Variants in SESTD1 observed in about 807,000 individuals in gnomAD.
The protein encoded by SESTD1 is SEC14 and spectrin domain containing 1, also known as SEC14 domain and spectrin repeat-containing protein 1.
A neutral mutation model predicts 101.7 loss-of-function variants in SESTD1; 43 were observed. The ratio of observed to expected loss-of-function variants is 0.42; its 90% CI spans 0.33 to 0.55. The LOEUF is 0.55. Ranked by LOEUF, SESTD1 falls within the 20% of genes least tolerant of loss-of-function variation. SESTD1 has a pLI of 0.07. For missense variants in SESTD1, 647 were observed against 815.1 expected, an observed-to-expected ratio of 0.79 and a Z score of 2.51; for synonymous variants, 283 against 286.8, an observed-to-expected ratio of 0.99 and a Z score of 0.13.
chr2:179,156,195 T>A lies in SESTD1; in HGVS notation c.370-4804A>T, dbSNP rs557709270. On this transcript the variant is annotated intron_variant, in intron 5 of 17. Coordinates refer to ENST00000428443, the MANE Select transcript of SESTD1 (RefSeq NM_178123.5). Reference sequence around the variant, plus strand: ...GTGTGTATATATACACATATATATATCACATATATACATCACAGTTTCTTT... The same window carrying A: ...GTGTGTATATATACACATATATATAACACATATATACATCACAGTTTCTTT... Among the ~76,000 whole-genome samples the A allele has an allele frequency of 5.9e-5, 9 of 152,224 alleles. No individual in the cohort carries two copies. The East Asian group carries it at 1.7e-3, about 29-fold the overall frequency.
intron 2 of SESTD1, among the ~76,000 whole-genome samples, chr2:179,191,017 T>C (rs1188908056): frequency 6.6e-6 from 1 of 152,186 alleles, no homozygotes; most frequent in African/African-American, 2.4e-5. Flanking sequence ...GTATTTTCCT[T>C]TGGGTATATA....
intron 5 of SESTD1, among the ~76,000 whole-genome samples, chr2:179,154,052 T>C (rs890196847): frequency 7.7e-6 from 1 of 129,302 alleles, no homozygotes; most frequent in Admixed American, 8.7e-5. Context: ...AAGACCAGCC[T>C]GGGTAATGTA....
chr2:179,141,928 A>T (rs1436364122), intron 9 of SESTD1, among the ~76,000 whole-genome samples: 1 of 152,226 alleles, frequency 6.6e-6, no homozygotes, highest in Non-Finnish European at 1.5e-5. Context: ...TCTCCAGTTT[A>T]TATGTGGTTA....
At position 179,172,189 on chromosome 2, in the gene SESTD1, T is replaced by C. The variant is rs766954945; in HGVS notation, c.300A>G (p.Pro100=). The C allele has an allele frequency of 5.6e-6, 9 of 1,609,840 alleles. No individual in the cohort carries two copies. The highest frequency in any genetic ancestry group is 2.2e-5 in the East Asian group (1 of 44,728). The change falls in exon 5 of 18, where the codon CCA becomes CCG. Residue 100 remains proline, a synonymous_variant. Coordinates refer to ENST00000428443, the MANE Select transcript of SESTD1 (RefSeq NM_178123.5). ...AEVSLVCVVK[P]DEFWDKKVTH... ...TTACTTTCTTATCCCAGAATTCATCTGGCTTTACCACACAAACAAGGGACA... is the reference window on the plus strand; with the variant it reads ...TTACTTTCTTATCCCAGAATTCATCCGGCTTTACCACACAAACAAGGGACA...
At chr2:179,184,114 T>C (rs13022867) in intron 2 of SESTD1, among the ~76,000 whole-genome samples, 18,746 of 152,174 alleles carry the variant, frequency 0.12, 1,270 homozygotes, top group South Asian at 0.24. Context: ...AGAATACAGT[T>C]ACATTCCATG....
At chr2:179,188,196 A>G (rs531717272) in intron 2 of SESTD1, among the ~76,000 whole-genome samples, 2 of 152,328 alleles carry the variant, frequency 1.3e-5, no homozygotes, top group South Asian at 4.1e-4. Context: ...GCAAGTCTTG[A>G]TAAATAAAAA....
At chr2:179,217,080 C>T (rs1430828631) in intron 1 of SESTD1, among the ~76,000 whole-genome samples, 566 of 117,788 alleles carry the variant, frequency 4.8e-3, no homozygotes, top group South Asian at 0.01. Flanking sequence ...TGGGCAAGGA[C>T]TTCATGACTA....
At chr2:179,123,591 A>G in intron 12 of SESTD1, 124 bp downstream of exon 12, 1 of 657,638 alleles carries the variant, frequency 1.5e-6, no homozygotes, top group Non-Finnish European at 2.6e-6. Context: ...TTTTTATACT[A>G]TTTTTCTGTT....
rs1446055762 is a variant in SESTD1, at chr2:179,109,803, G to A, written c.*96C>T. The A allele has an allele frequency of 6.9e-7, 1 of 1,441,090 alleles. No homozygotes were observed. 89.3% of individuals were successfully genotyped at this position (1,441,090 alleles called of 1,614,324 possible). A position where few individuals can be genotyped will look rare whatever the true frequency, so the allele number is the denominator to read the frequency against. Reference sequence around the variant, plus strand: ...ATGAAAAGAAATGAGACTTATTTTGGCTGTGAAATGCATCTTAAGGTGTGG... The same window carrying A: ...ATGAAAAGAAATGAGACTTATTTTGACTGTGAAATGCATCTTAAGGTGTGG... On this transcript the variant is annotated 3_prime_UTR_variant, in exon 18 of 18. Coordinates refer to ENST00000428443, the MANE Select transcript of SESTD1 (RefSeq NM_178123.5).
At chr2:179,236,358 A>C (rs1181937380) in intron 1 of SESTD1, among the ~76,000 whole-genome samples, 1 of 145,288 alleles carries the variant, frequency 6.9e-6, no homozygotes, top group Admixed American at 6.9e-5. Flanking sequence ...AAAGCTGGGC[A>C]TGGTAGCACA....
At chr2:179,222,211 T>G (rs2046826205) in intron 1 of SESTD1, among the ~76,000 whole-genome samples, 2 of 152,114 alleles carry the variant, frequency 1.3e-5, no homozygotes, top group South Asian at 4.1e-4. Context: ...AAAGAGTTGT[T>G]CTCCCTGAAA....
At chr2:179,111,433 C>A (rs2044503750) in intron 17 of SESTD1, among the ~76,000 whole-genome samples, 2 of 152,030 alleles carry the variant, frequency 1.3e-5, no homozygotes. Context: ...ACCCCCATAA[C>A]CTGAGGAAGG....
rs183150998 is a variant in SESTD1, at chr2:179,255,465, C to T, written c.-26+9034G>A. 3.3e-3 allele frequency among the ~76,000 whole-genome samples: 505 copies of T among 152,308 alleles called. 6 individuals are homozygous for T. Among genetic ancestry groups the T allele is most frequent in the African/African-American group, 0.012 (479 of 41,572 alleles). ...TGGTCTGGATAGAAGACCAAACCAG[C>T]CATAACATTCCCTTAAGCCAAAGCC... On this transcript the variant is annotated intron_variant, in intron 1 of 17. Transcript: ENST00000428443.
At chr2:179,245,783 G>A (rs149401106) in intron 1 of SESTD1, among the ~76,000 whole-genome samples, 3 of 152,138 alleles carry the variant, frequency 2.0e-5, no homozygotes, top group African/African-American at 4.8e-5. Flanking sequence ...AATGGCAGAC[G>A]TAAGCCCTAA....
At chr2:179,160,715 A>T (rs984892737) in intron 5 of SESTD1, among the ~76,000 whole-genome samples, 4 of 152,144 alleles carry the variant, frequency 2.6e-5, no homozygotes, top group Non-Finnish European at 5.9e-5. Context: ...TTCTAAAAGT[A>T]TCCAGCATTT....
chr2:179,247,297 C>T (rs2047247628), intron 1 of SESTD1, among the ~76,000 whole-genome samples: 1 of 151,272 alleles, frequency 6.6e-6, no homozygotes, highest in Admixed American at 6.6e-5. Flanking sequence ...AGTCTAGATG[C>T]TGTATGAGGG....
intron 9 of SESTD1, among the ~76,000 whole-genome samples, chr2:179,136,690 CTT>C (rs1173651616): frequency 1.3e-5 from 2 of 152,002 alleles, no homozygotes; most frequent in Non-Finnish European, 2.9e-5. Flanking sequence ...TTTTTAGAAA[CTT>C]AAGACATCAT....
chr2:179,189,097 A>G (rs2046281288), intron 2 of SESTD1, among the ~76,000 whole-genome samples: 1 of 152,150 alleles, frequency 6.6e-6, no homozygotes, highest in Non-Finnish European at 1.5e-5. Context: ...CCTGACACCA[A>G]AACCTAGTGA....
chr2:179,233,148 C>T (rs756842325), intron 1 of SESTD1, among the ~76,000 whole-genome samples: 3 of 152,136 alleles, frequency 2.0e-5, no homozygotes, highest in Non-Finnish European at 2.9e-5. Flanking sequence ...GAAGACCTAA[C>T]CACCAAAGTA....
Sources: allele counts gnomAD v4.1 joint callset (sites outside exome capture counted in the v4.1 genomes callset), GRCh38; gene constraint gnomAD v4.1.1; transcripts MANE v1.5; gene names NCBI Gene and HGNC (gene_info 2026-07-23, HGNC 2026-07-21).